Variants in DCAF6 observed in about 807,000 individuals in gnomAD.
DCAF6 encodes the protein DDB1 and CUL4 associated factor 6.
A neutral mutation model predicts 125.1 loss-of-function variants in DCAF6; 54 were observed. That is an observed-to-expected ratio of 0.43 (90% CI 0.35 to 0.54). The LOEUF is 0.54. Among genes scored for constraint, DCAF6 ranks in the 20% least tolerant of loss-of-function variants. The pLI, the probability that DCAF6 is intolerant of heterozygous loss-of-function variation, is 0.01. For synonymous variants in DCAF6, 371 were observed against 390.4 expected (o/e 0.95, Z 0.58); for missense variants, 934 against 1,161.7 (o/e 0.80, Z 2.85).
intron 18 of DCAF6, among the ~76,000 whole-genome samples, chr1:168,064,739 G>A (rs936248084): frequency 4.6e-5 from 7 of 152,090 alleles, no homozygotes; most frequent in African/African-American, 1.7e-4. Context: ...CAATAAAATT[G>A]TCTCCCCTCT....
At chr1:167,949,896 G>A (rs369013894) in intron 1 of DCAF6, among the ~76,000 whole-genome samples, 1 of 152,178 alleles carries the variant, frequency 6.6e-6, no homozygotes, top group Non-Finnish European at 1.5e-5. Context: ...AAGGGTAGTG[G>A]ATGTTTTTGC....
chr1:167,991,004 A>G (rs1250908971), intron 5 of DCAF6, among the ~76,000 whole-genome samples, 200 bp from the exon 6 acceptor site: 5 of 152,166 alleles, frequency 3.3e-5, no homozygotes, highest in Non-Finnish European at 5.9e-5. Flanking sequence ...ACATAGGCTG[A>G]ATGTATTAGA....
chr1:167,938,750 ATT>A (rs1039685937), intron 1 of DCAF6, among the ~76,000 whole-genome samples: 3 of 152,146 alleles, frequency 2.0e-5, no homozygotes, highest in African/African-American at 7.2e-5. Context: ...ATAGTTCTAT[ATT>A]TTAGTGTTTT....
chr1:167,868,161 C>A, the DCAF6 span, among the ~76,000 whole-genome samples: 1 of 152,124 alleles, frequency 6.6e-6, no homozygotes, highest in African/African-American at 2.4e-5. Context: ...CCAGGAAAAA[C>A]CAGAAATTTG....
At chr1:167,993,500 A>T (rs1197065440) in intron 7 of DCAF6, 60 bp downstream of exon 7, 1 of 1,458,924 alleles carries the variant, frequency 6.9e-7, no homozygotes, top group Non-Finnish European at 9.5e-7. Context: ...CTGTAATCCC[A>T]GCGCTTTGGG....
chr1:167,921,454 G>A, the DCAF6 span, among the ~76,000 whole-genome samples: 2 of 151,868 alleles, frequency 1.3e-5, no homozygotes, highest in Non-Finnish European at 2.9e-5. Flanking sequence ...ACTCCTGACC[G>A]CAGGTGATCC....
At chr1:168,033,847 G>A (rs1222680200) in intron 12 of DCAF6, among the ~76,000 whole-genome samples, 1 of 152,130 alleles carries the variant, frequency 6.6e-6, no homozygotes, top group African/African-American at 2.4e-5. Context: ...ATATAGAATC[G>A]CTATCTAAAA....
chr1:168,003,244 A>C (rs184374099), intron 8 of DCAF6, among the ~76,000 whole-genome samples: 40 of 152,284 alleles, frequency 2.6e-4, no homozygotes, highest in African/African-American at 9.4e-4. Flanking sequence ...ATAAGACTAT[A>C]GAATAGAGTT....
intron 11 of DCAF6, among the ~76,000 whole-genome samples, chr1:168,021,206 A>AT (rs1267383757): frequency 1.3e-5 from 2 of 152,110 alleles, no homozygotes; most frequent in South Asian, 2.1e-4. Flanking sequence ...ATTTCATGGT[A>AT]TTTTTTAGAA....
At chr1:167,920,547 C>T in the DCAF6 span, 2 of 1,613,258 alleles carry the variant, frequency 1.2e-6, no homozygotes, top group Non-Finnish European at 1.7e-6. Flanking sequence ...TTTAATTTAC[C>T]TGTAGCCATC....
At chr1:167,948,314 G>A (rs1477105476) in intron 1 of DCAF6, among the ~76,000 whole-genome samples, 1 of 151,272 alleles carries the variant, frequency 6.6e-6, no homozygotes, top group Non-Finnish European at 1.5e-5. Flanking sequence ...CTCTTAACTA[G>A]CAGTCATCTG....
chr1:168,054,979 G>C (rs1690443820), intron 17 of DCAF6, among the ~76,000 whole-genome samples: 1 of 152,096 alleles, frequency 6.6e-6, no homozygotes, highest in Admixed American at 6.5e-5. Flanking sequence ...ACCATGCCCG[G>C]CTAGTTTTTT....
the DCAF6 span, among the ~76,000 whole-genome samples, chr1:167,915,358 G>A: frequency 3.3e-5 from 5 of 152,144 alleles, no homozygotes; most frequent in African/African-American, 9.7e-5. Context: ...TTCAGAAACC[G>A]TGCAAATAGG....
At chr1:167,891,788 A>G in the DCAF6 span, among the ~76,000 whole-genome samples, 1 of 152,116 alleles carries the variant, frequency 6.6e-6, no homozygotes, top group Non-Finnish European at 1.5e-5. Context: ...CCGAAATAGC[A>G]CAGAAGTGTC....
chr1:168,017,872 A>G (rs1557983695), intron 11 of DCAF6, among the ~76,000 whole-genome samples: 3 of 152,176 alleles, frequency 2.0e-5, no homozygotes, highest in African/African-American at 4.8e-5. Flanking sequence ...ATACTTTGGT[A>G]TCTTTAGAGT....
At chr1:168,039,564 T>G (rs1477785946) in intron 13 of DCAF6, among the ~76,000 whole-genome samples, 1 of 148,804 alleles carries the variant, frequency 6.7e-6, no homozygotes, top group African/African-American at 2.4e-5. Context: ...TATTAGTTAA[T>G]ATATTGATAT....
Position 168,050,945 on chromosome 1 carries a change from T to G in DCAF6, c.2300+12T>G. ...GATAGAATAATGAGGTAATTCAGTA[T>G]GTTCCTTCATAATTTTTTTTTTATG... On this transcript the variant is annotated intron_variant, in intron 17 of 21. Coordinates refer to ENST00000367840, the MANE Select transcript of DCAF6 (RefSeq NM_001198956.2). 7.4e-7 allele frequency: 1 copy of G among 1,356,152 alleles called. No individual in the cohort carries two copies. The highest frequency in any genetic ancestry group is 9.7e-7 in the Non-Finnish European group (1 of 1,026,272). 84.0% of individuals were successfully genotyped at this position (1,356,152 alleles called of 1,614,324 possible).
At chr1:167,885,105 T>G in the DCAF6 span, among the ~76,000 whole-genome samples, 1 of 147,704 alleles carries the variant, frequency 6.8e-6, no homozygotes, top group Non-Finnish European at 1.5e-5. Context: ...TCCACGTTGT[T>G]GCAAATGACA....
In DCAF6 at chr1:168,003,873, A is replaced by T; in HGVS notation, c.1001A>T (p.Glu334Val). 1 of 1,610,034 alleles carries T rather than the reference A, an allele frequency of 6.2e-7. No homozygotes were observed. The highest frequency in any genetic ancestry group is 8.5e-7 in the Non-Finnish European group (1 of 1,178,508). Residue 334 changes from glutamate (E) to valine (V), a missense_variant, in exon 9 of 22, where the codon GAG becomes GTG. By Grantham distance (121) the Glu-to-Val change is moderately radical. Around this residue, in one of 5 missense-constraint regions of DCAF6, gnomAD observed 559 missense variants for 635.5 expected, o/e 0.88. Transcript: ENST00000367840. The stretch of plus-strand genomic sequence containing the variant: ...GATAAGACCTATATTGTAATAGGAG[A>T]GCAGAGTCCCAATGTGTCATTGATG... Reference protein sequence around the residue: ...RPESERERDGEQSPNVSLMQR... With the variant: ...RPESERERDGVQSPNVSLMQR...
Sources: allele counts gnomAD v4.1 joint callset (sites outside exome capture counted in the v4.1 genomes callset), GRCh38; gene constraint gnomAD v4.1.1; regional missense constraint gnomAD v4.1.1; transcripts MANE v1.5; gene names NCBI Gene and HGNC (gene_info 2026-07-23, HGNC 2026-07-21).